COPG2: variants seen among roughly 807,000 people sequenced by gnomAD.
The protein encoded by COPG2 is coat protein complex I subunit gamma 2.
A neutral mutation model predicts 46.3 loss-of-function variants in COPG2; 37 were observed. The ratio of observed to expected loss-of-function variants is 0.80; its 90% CI spans 0.61 to 1.05. The LOEUF (loss-of-function observed/expected upper bound fraction) is 1.05. Ranked by LOEUF, COPG2 falls within the 50% of genes least tolerant of loss-of-function variation. The pLI, the probability that COPG2 is intolerant of heterozygous loss-of-function variation, is 0.00. For synonymous variants in COPG2, 159 were observed against 129.7 expected (o/e 1.23, Z -1.53); for missense variants, 427 against 387.8 (o/e 1.10, Z -0.85).
At chr7:130,509,749 C>CTG (rs781893641) in intron 20 of COPG2, 33 of 516,014 alleles carry the variant, frequency 6.4e-5, no homozygotes, top group Admixed American at 3.5e-4. Flanking sequence ...AGTGTGTGGG[C>CTG]TGTGTGTGTG....
chr7:130,657,778 G>GA (rs1554460085), intron 4 of COPG2, among the ~76,000 whole-genome samples: 1 of 151,736 alleles, frequency 6.6e-6, no homozygotes, highest in African/African-American at 2.4e-5. Flanking sequence ...AAATACAAAT[G>GA]AAAAGATGTT....
intron 9 of COPG2, chr7:130,605,721 G>T (rs782209544): frequency 1.9e-6 from 1 of 519,686 alleles, no homozygotes; most frequent in African/African-American, 1.9e-5. Flanking sequence ...CGACTTAAAT[G>T]AGATTGGAAG....
At chr7:130,530,687 C>T (rs974783255) in intron 20 of COPG2, among the ~76,000 whole-genome samples, 20 of 151,968 alleles carry the variant, frequency 1.3e-4, no homozygotes, top group African/African-American at 3.9e-4. Flanking sequence ...GAAATGTGGA[C>T]GCAAGGGGAA....
At chr7:130,617,705 T>C (rs1313038989) in intron 5 of COPG2, among the ~76,000 whole-genome samples, 1 of 152,122 alleles carries the variant, frequency 6.6e-6, no homozygotes, top group Non-Finnish European at 1.5e-5. Flanking sequence ...CTTCCTCAAC[T>C]CCTCTCACAT....
chr7:130,657,804 T>C (rs1554460091), intron 4 of COPG2, among the ~76,000 whole-genome samples: 1 of 152,152 alleles, frequency 6.6e-6, no homozygotes, highest in East Asian at 1.9e-4. Flanking sequence ...TCATCAGTCA[T>C]TGGAAAAATG....
chr7:130,666,656 A>C (rs782800481), intron 3 of COPG2, among the ~76,000 whole-genome samples, 193 bp downstream of exon 3: 1 of 152,222 alleles, frequency 6.6e-6, no homozygotes, highest in African/African-American at 2.4e-5. Flanking sequence ...ATTGCAAAGA[A>C]GGTATACTCA....
rs1343830645 is a variant in COPG2 at position 130,518,929 on chromosome 7, C to T, written c.2150-10270G>A. On this transcript the variant is annotated intron_variant, in intron 20 of 23. Transcript: ENST00000425248. Reference sequence around the variant, plus strand: ...GCTGAGGCAGGAAAACTGCTTGAACCCCGGAGGTGGAGGCTGCAGTGAGCC... The same window carrying T: ...GCTGAGGCAGGAAAACTGCTTGAACTCCGGAGGTGGAGGCTGCAGTGAGCC... Among the ~76,000 whole-genome samples the T allele has an allele frequency of 2.6e-5, 4 of 151,568 alleles. No individual in the cohort carries two copies. In the East Asian group the frequency reaches 7.8e-4, roughly 30 times the overall value.
At chr7:130,588,006 A>T (rs1275733640) in intron 9 of COPG2, among the ~76,000 whole-genome samples, 1 of 152,360 alleles carries the variant, frequency 6.6e-6, no homozygotes, top group East Asian at 1.9e-4. Context: ...GACACTTCTC[A>T]AAAGAAGACA....
At chr7:130,629,517 C>G (rs767455875) in intron 5 of COPG2, among the ~76,000 whole-genome samples, 12 of 151,726 alleles carry the variant, frequency 7.9e-5, no homozygotes, top group Non-Finnish European at 1.8e-4. Flanking sequence ...GCCTCAGCCT[C>G]CCGAGTAGCT....
intron 5 of COPG2, among the ~76,000 whole-genome samples, chr7:130,626,561 T>C (rs1395576604): frequency 6.6e-6 from 1 of 152,078 alleles, no homozygotes; most frequent in African/African-American, 2.4e-5. Context: ...TGAATACTCT[T>C]AGTCTATAAG....
At chr7:130,508,818 C>CTTTTG (rs1554440599) in intron 20 of COPG2, among the ~76,000 whole-genome samples, 159 bp from the exon 21 acceptor site, 4 of 152,140 alleles carry the variant, frequency 2.6e-5, no homozygotes, top group African/African-American at 9.7e-5. Flanking sequence ...ACAAGCGGGT[C>CTTTTG]AGGAAGGCAG....
At chr7:130,635,506 T>G (rs1458803783) in intron 5 of COPG2, among the ~76,000 whole-genome samples, 1 of 151,974 alleles carries the variant, frequency 6.6e-6, no homozygotes, top group African/African-American at 2.4e-5. Flanking sequence ...ATAGAGGTGT[T>G]TATAGTATTC....
intron 5 of COPG2, among the ~76,000 whole-genome samples, chr7:130,624,952 T>A (rs781842792): frequency 6.6e-6 from 1 of 152,244 alleles, no homozygotes; most frequent in African/African-American, 2.4e-5. Context: ...CTGGGTCGAA[T>A]GGCAGTTCTA....
chr7:130,614,463 C>G (rs1288176288), intron 6 of COPG2, among the ~76,000 whole-genome samples: 2 of 152,136 alleles, frequency 1.3e-5, no homozygotes, highest in African/African-American at 4.8e-5. Context: ...AAAATATACC[C>G]AAGCATGGGT....
chr7:130,568,680 C>T (rs897985299), intron 9 of COPG2, among the ~76,000 whole-genome samples: 4 of 152,112 alleles, frequency 2.6e-5, no homozygotes, highest in South Asian at 4.2e-4. Context: ...AAAGAAACAA[C>T]GGACTTAAAC....
Position 130,668,623 on chromosome 7 carries a change from C to G in COPG2, c.37+9G>C. The G allele has an allele frequency of 2.0e-6, 3 of 1,530,594 alleles. No homozygotes were observed. Among genetic ancestry groups the G allele is most frequent in the Non-Finnish European group, 2.6e-6 (3 of 1,140,732 alleles). The allele number at this position is 1,530,594 out of a possible 1,614,324, so 94.8% of individuals were successfully genotyped here. ...GGCTGAGGGTGGGCCTCGGAAGCCC[C>G]GCGCGTACCAGACTCCTCGTCCTTC... On this transcript the variant is annotated intron_variant, in intron 1 of 23. Coordinates refer to ENST00000425248, the MANE Select transcript of COPG2 (RefSeq NM_012133.6).
At chr7:130,522,792 C>T (rs1049917913) in intron 20 of COPG2, among the ~76,000 whole-genome samples, 31 of 151,734 alleles carry the variant, frequency 2.0e-4, no homozygotes, top group Non-Finnish European at 1.2e-4. Context: ...AACGAACAAA[C>T]AAAAACAGGT....
chr7:130,559,802 G>A (rs2116399968), intron 12 of COPG2, among the ~76,000 whole-genome samples: 1 of 152,270 alleles, frequency 6.6e-6, no homozygotes, highest in South Asian at 2.1e-4. Flanking sequence ...TTGAATACAT[G>A]GGTAAAGTTT....
intron 5 of COPG2, among the ~76,000 whole-genome samples, chr7:130,644,588 C>T (rs781947889): frequency 1.3e-5 from 2 of 152,120 alleles, no homozygotes; most frequent in East Asian, 1.9e-4. Flanking sequence ...AGTCCTTTGG[C>T]GAGAGTTAAA....
Sources: gnomAD v4.1 joint callset for allele counts (sites outside exome capture counted in the v4.1 genomes callset) on GRCh38, gnomAD v4.1.1 for gene constraint, MANE v1.5 for transcripts, NCBI Gene and HGNC (gene_info 2026-07-23, HGNC 2026-07-21) for gene names.